Variants in MUC22 observed in about 807,000 individuals in gnomAD.
The protein encoded by MUC22 is mucin 22.
In MUC22, 24 loss-of-function variants were observed where a neutral mutation model predicts 40.3. The ratio of observed to expected loss-of-function variants is 0.60; its 90% CI spans 0.43 to 0.84. The LOEUF is 0.84. Among genes scored for constraint, MUC22 ranks in the 40% least tolerant of loss-of-function variants. MUC22 has a pLI of 0.00. For synonymous variants in MUC22, 765 were observed against 844.5 expected (o/e 0.91, Z 1.63); for missense variants, 1,926 against 2,130.7 (o/e 0.90, Z 1.89).
exon 2 of MUC22, chr6:31,025,688 C>T (rs759668593): frequency 1.4e-5 from 21 of 1,529,582 alleles, no homozygotes; most frequent in Non-Finnish European, 1.8e-5. Context: ...TCTACTGCAG[C>T]CTTCACCACA....
intron 2 of MUC22, among the ~76,000 whole-genome samples, chr6:31,030,321 T>A (rs1765960740): frequency 6.6e-6 from 1 of 152,100 alleles, no homozygotes; most frequent in East Asian, 1.9e-4. Context: ...ATTGAGACCA[T>A]CCTGGCTAAC....
At chr6:31,029,475 C>G (rs867285302) in exon 2 of MUC22, 62 of 1,534,514 alleles carry the variant, frequency 4.0e-5, no homozygotes, top group Non-Finnish European at 5.0e-5. Flanking sequence ...CCACCACAGC[C>G]TCTACCGCAG....
chr6:31,026,230 A>G (rs776468457), exon 2 of MUC22: 1 of 1,528,428 alleles, frequency 6.5e-7, no homozygotes, highest in Non-Finnish European at 8.8e-7. Context: ...AGGCTCTAAC[A>G]CCACCACAGC....
rs1305219895 is a variant in MUC22 at position 31,027,082 on chromosome 6, A to G, written c.1651A>G (p.Met551Val). The G allele has an allele frequency of 7.4e-6, 11 of 1,493,452 alleles. 1 individual carries two copies. The South Asian group carries it at 8.6e-5, about 12-fold the overall frequency. The allele number at this position is 1,493,452 out of a possible 1,614,324, so 92.5% of individuals were successfully genotyped here. A position where few individuals can be genotyped will look rare whatever the true frequency, so the allele number is the denominator to read the frequency against. ...CTCTGAGCCTACCATGGCATCCACC[A>G]TGGGCTCTGAGACCACTATGGCCTC... Residue 551 changes from methionine (M) to valine (V), a missense_variant, in exon 2 of 4, where the codon ATG (methionine) becomes GTG (valine). Physicochemically the swap from Met to Val is conservative, Grantham distance 21. This residue lies in a region of MUC22 where 1,281 missense variants were observed against 1,337.8 expected (regional missense o/e 0.96). Coordinates refer to ENST00000561890, the Ensembl canonical transcript of MUC22.
In MUC22 at chr6:31,026,326, AC is replaced by A. The variant is rs1232389699; in HGVS notation, c.900del (p.Ser301ProfsTer9). On this transcript the variant is annotated frameshift_variant, in exon 2 of 4. Coordinates refer to ENST00000561890, the Ensembl canonical transcript of MUC22. LOFTEE classifies it high-confidence loss of function. ...CTCTACAGCAGGTTCTGAGACCACC[AC>A]CCCCTCCCCCACAGGCTCTCAGACC... The A allele has an allele frequency of 2.7e-4, 410 of 1,504,824 alleles. 39 individuals carry two copies. Among genetic ancestry groups the A allele is most frequent in the Admixed American group, 5.1e-4 (25 of 48,664 alleles). 93.2% of individuals were successfully genotyped at this position (1,504,824 alleles called of 1,614,324 possible). A position where few individuals can be genotyped will look rare whatever the true frequency, so the allele number is the denominator to read the frequency against.
At chr6:31,017,488 A>G (rs1764311284) in intron 1 of MUC22, among the ~76,000 whole-genome samples, 1 of 151,964 alleles carries the variant, frequency 6.6e-6, no homozygotes. Flanking sequence ...ACCAGTAAGC[A>G]CCCTGTGTCT....
At position 31,011,021 on chromosome 6, in the gene MUC22, G is replaced by A. The variant is rs1317887234; in HGVS notation, c.70+245G>A. ...CCCCCAGCTGTGGTTGTGAGCACAT[G>A]TGGTGGGGCGGTGGGGCGGTGCTGG... is the stretch of plus-strand genomic sequence containing the variant. On this transcript the variant is annotated intron_variant, in intron 1 of 3. Coordinates refer to ENST00000561890, the Ensembl canonical transcript of MUC22. This position sits in a 1 kb window ranked among gnomAD's most constrained non-coding sequence, Gnocchi z 4.5. 6.6e-6 allele frequency among the ~76,000 whole-genome samples: 1 copy of A among 151,744 alleles called. No individual in the cohort carries two copies. The highest frequency in any genetic ancestry group is 1.5e-5 in the Non-Finnish European group (1 of 68,004).
intron 1 of MUC22, among the ~76,000 whole-genome samples, chr6:31,013,415 C>A (rs1282886524): frequency 6.6e-6 from 1 of 152,072 alleles, no homozygotes; most frequent in Non-Finnish European, 1.5e-5. Flanking sequence ...GTGTGAGCTA[C>A]CGGGCCTGGC....
rs537981147 is a variant in MUC22 at position 31,017,264 on chromosome 6, G to A, written c.70+6488G>A. 3.2e-4 allele frequency among the ~76,000 whole-genome samples: 49 copies of A among 152,380 alleles called. 1 individual carries two copies. In the South Asian group the frequency reaches 0.01, roughly 32 times the overall value. On this transcript the variant is annotated intron_variant, in intron 1 of 3. Coordinates refer to ENST00000561890, the Ensembl canonical transcript of MUC22. ...ACTAGGTGAGGCCAGCTGGGCTCCT[G>A]AGTGTAGTGGGGACTTGGAGAACCT...
chr6:31,026,585 A>G lies in MUC22; in HGVS notation c.1154A>G (p.Glu385Gly). The G allele has an allele frequency of 2.0e-6, 3 of 1,502,312 alleles. 1 individual carries two copies. Among genetic ancestry groups the G allele is most frequent in the Non-Finnish European group, 2.7e-6 (3 of 1,125,572 alleles). The allele number at this position is 1,502,312 out of a possible 1,614,324, so 93.1% of individuals were successfully genotyped here. ...ACCACAAACTCTACTACAAGCTCTG[A>G]GACCACCGTCACCTCTACTGCAGGC... Residue 385 changes from glutamate to glycine, a missense_variant, in exon 2 of 4, where the codon GAG (glutamate) becomes GGG (glycine). Coordinates refer to ENST00000561890, the Ensembl canonical transcript of MUC22.
chr6:31,021,821 G>C (rs530305698), intron 1 of MUC22, among the ~76,000 whole-genome samples: 1 of 152,142 alleles, frequency 6.6e-6, no homozygotes, highest in African/African-American at 2.4e-5. Context: ...CAGGCTGCCC[G>C]AGCCAGCAGT....
rs551390669 is a variant in MUC22 at position 31,020,961 on chromosome 6, G to A, written c.71-4541G>A. Among the ~76,000 whole-genome samples the A allele has an allele frequency of 1.7e-3, 258 of 152,334 alleles. 8 individuals carry two copies. The South Asian group carries it at 0.041, about 24-fold the overall frequency. On this transcript the variant is annotated intron_variant, in intron 1 of 3. Coordinates refer to ENST00000561890, the Ensembl canonical transcript of MUC22. ...CTGGGCCTTAGCTGTCTTCCCATGGGGCAGGGCTGGGGACCTGCAGCCCGC... is the reference window on the plus strand; with the variant it reads ...CTGGGCCTTAGCTGTCTTCCCATGGAGCAGGGCTGGGGACCTGCAGCCCGC...
chr6:31,029,370 T>G, exon 2 of MUC22: 1 of 1,534,858 alleles, frequency 6.5e-7, no homozygotes, highest in Non-Finnish European at 8.7e-7. Context: ...CTGAAGGCTC[T>G]GAGACAACCA....
At chr6:31,029,632 A>G in exon 2 of MUC22, 1 of 1,534,236 alleles carries the variant, frequency 6.5e-7, no homozygotes. Flanking sequence ...AGTCTTTACC[A>G]CAGTCTCTGA....
chr6:31,007,453 T>G (rs907933267), upstream of MUC22, among the ~76,000 whole-genome samples: 5 of 152,188 alleles, frequency 3.3e-5, no homozygotes, highest in African/African-American at 1.2e-4. This position sits in a 1 kb window ranked among gnomAD's most constrained non-coding sequence, Gnocchi z 4.0. Context: ...TGATGAACTA[T>G]ATGCTATATG....
chr6:31,030,495 C>T (rs558490693), intron 2 of MUC22, among the ~76,000 whole-genome samples: 17 of 140,806 alleles, frequency 1.2e-4, no homozygotes, highest in African/African-American at 4.0e-4. Flanking sequence ...CCAGCCTGGG[C>T]GACAGAGCGA....
Position 31,011,388 on chromosome 6 carries a change from T to C in MUC22, c.70+612T>C, listed in dbSNP as rs1280246165. 6.6e-6 allele frequency among the ~76,000 whole-genome samples: 1 copy of C among 152,164 alleles called. No homozygotes were observed. Among genetic ancestry groups the C allele is most frequent in the African/African-American group, 2.4e-5 (1 of 41,444 alleles). The stretch of plus-strand genomic sequence containing the variant: ...TAGTGCCCAAAGTCCACTGTATCAT[T>C]CTCATGCGTTTGAGTCCTCACAGCT... On this transcript the variant is annotated intron_variant, in intron 1 of 3. Transcript: ENST00000561890. The surrounding 1 kb of genome is among the most constrained non-coding windows in gnomAD (Gnocchi z 4.5).
upstream of MUC22, among the ~76,000 whole-genome samples, chr6:31,006,834 G>A (rs556562045): frequency 2.0e-5 from 3 of 152,244 alleles, no homozygotes; most frequent in East Asian, 5.8e-4. Flanking sequence ...TTGAGGAAGA[G>A]CTTGCTTATA....
At chr6:31,016,675 C>T (rs769077585) in intron 1 of MUC22, among the ~76,000 whole-genome samples, 9 of 152,380 alleles carry the variant, frequency 5.9e-5, no homozygotes, top group South Asian at 2.1e-4. Flanking sequence ...TCCTCGGCCT[C>T]GCCACCCATT....
Sources: gnomAD v4.1 joint callset for allele counts (sites outside exome capture counted in the v4.1 genomes callset) on GRCh38, gnomAD v4.1.1 for gene constraint, gnomAD v4.1.1 regional missense constraint, Gnocchi (gnomAD v3.1) non-coding constraint, MANE v1.5 for transcripts, NCBI Gene and HGNC (gene_info 2026-07-23, HGNC 2026-07-21) for gene names.